Variants in SPATA7 observed in about 807,000 individuals in gnomAD.
The protein encoded by SPATA7 is spermatogenesis-associated protein 7.
In SPATA7, 43 loss-of-function variants were observed where a neutral mutation model predicts 51.8. That is an observed-to-expected ratio of 0.83 (90% CI 0.65 to 1.07). SPATA7 has a LOEUF of 1.07. SPATA7 is among the 50% of genes least tolerant of loss of function. The probability of loss-of-function intolerance (pLI) is 0.00; values close to 1 mark genes in which losing one functional copy is unlikely to be tolerated. For synonymous variants in SPATA7, 230 were observed against 252.8 expected (o/e 0.91, Z 0.86); for missense variants, 683 against 701.3 (o/e 0.97, Z 0.30).
intron 4 of SPATA7, among the ~76,000 whole-genome samples, chr14:88,406,434 C>CCT (rs1368641459): frequency 1.4e-5 from 2 of 138,130 alleles, no homozygotes; most frequent in Admixed American, 7.3e-5. Flanking sequence ...CACTAATCTA[C>CCT]TTTTTTTTTT....
intron 2 of SPATA7, 132 bp downstream of exon 2, chr14:88,391,587 A>G (rs1302319577): frequency 2.5e-6 from 2 of 792,996 alleles, no homozygotes; most frequent in Non-Finnish European, 4.3e-6. Flanking sequence ...ATTAATTTTA[A>G]TGAAATATAG....
chr14:88,440,462 T>G (rs2077170991), downstream of SPATA7, among the ~76,000 whole-genome samples: 1 of 152,208 alleles, frequency 6.6e-6, no homozygotes, highest in Non-Finnish European at 1.5e-5. Context: ...GGCAAAAGTA[T>G]TATAGTATGA....
At chr14:88,416,688 G>T in intron 4 of SPATA7, 23 bp from the exon 5 acceptor site, 1 of 1,611,418 alleles carries the variant, frequency 6.2e-7, no homozygotes, top group South Asian at 1.1e-5. Flanking sequence ...TCCATATTTT[G>T]AAAGATTTGT....
chr14:88,448,024 G>A (rs2077226298), intron 3 of SPATA7, among the ~76,000 whole-genome samples: 2 of 151,840 alleles, frequency 1.3e-5, no homozygotes, highest in South Asian at 2.1e-4. Flanking sequence ...GAATCTGAAC[G>A]TTGGCCTGCT....
chr14:88,462,630 GA>G (rs2077324792), intron 4 of SPATA7, among the ~76,000 whole-genome samples: 2 of 152,194 alleles, frequency 1.3e-5, no homozygotes, highest in East Asian at 3.8e-4. Context: ...TATTAACACT[GA>G]AATTATGTCG....
At chr14:88,402,969 A>AC (rs1566757592) in intron 4 of SPATA7, among the ~76,000 whole-genome samples, 1 of 140,600 alleles carries the variant, frequency 7.1e-6, no homozygotes, top group Admixed American at 6.8e-5. Context: ...CAAAAAAAAA[A>AC]AAAAAAAAAA....
intron 3 of SPATA7, among the ~76,000 whole-genome samples, chr14:88,454,051 C>T (rs1055103583): frequency 7.2e-5 from 11 of 152,148 alleles, no homozygotes; most frequent in Non-Finnish European, 1.5e-4. Context: ...TCAAGTTTCT[C>T]CCGAGAGAAA....
intron 6 of SPATA7, 143 bp downstream of exon 6, chr14:88,426,847 T>G: frequency 1.2e-6 from 1 of 802,128 alleles, no homozygotes; most frequent in Non-Finnish European, 2.0e-6. Context: ...ACTTTTCCTT[T>G]TCCATGTATC....
chr14:88,438,108 TA>T lies in SPATA7; in HGVS notation c.1487del (p.Tyr496LeufsTer10). 6.2e-7 allele frequency: 1 copy of T among 1,614,086 alleles called. No homozygotes were observed. The highest frequency in any genetic ancestry group is 8.5e-7 in the Non-Finnish European group (1 of 1,179,992). ...ACCAACTGAATTTTTCATGCCTATT[TA>T]TAAATCAAAGCATTCAGAAGGGGTT... ...PSPTEFFMPI[Y>X]KSKHSEGVII... On this transcript the variant is annotated frameshift_variant, in exon 12 of 12. Transcript: ENST00000393545. LOFTEE classifies it low-confidence loss of function (END_TRUNC).
At chr14:88,455,055 A>T in intron 3 of SPATA7, 1 of 455,930 alleles carries the variant, frequency 2.2e-6, no homozygotes, top group South Asian at 1.5e-5. Flanking sequence ...TTGCATTTCT[A>T]ACAGATTCCA....
downstream of SPATA7, among the ~76,000 whole-genome samples, chr14:88,455,930 G>A (rs1031018411): frequency 7.2e-6 from 1 of 138,452 alleles, no homozygotes; most frequent in African/African-American, 2.8e-5. Flanking sequence ...CTGTGTCCAT[G>A]TGTTCTCATT....
At chr14:88,422,854 G>T (rs28708734) in intron 5 of SPATA7, among the ~76,000 whole-genome samples, 2,078 of 151,990 alleles carry the variant, frequency 0.014, 46 homozygotes, top group African/African-American at 0.047. Context: ...CTTATTTTGG[G>T]TAGTATATTT....
At chr14:88,456,635 G>A (rs904260723), downstream of SPATA7, among the ~76,000 whole-genome samples, 3 of 149,052 alleles carry the variant, frequency 2.0e-5, no homozygotes, top group African/African-American at 7.8e-5. Context: ...CCCTTTGTCA[G>A]ATGAGTAGAT....
At chr14:88,432,807 T>TG (rs1222698171) in intron 9 of SPATA7, 4 of 212,488 alleles carry the variant, frequency 1.9e-5, no homozygotes, top group Non-Finnish European at 2.8e-5. Context: ...CGGGAGTGCT[T>TG]GCTCCCAGTG....
intron 3 of SPATA7, among the ~76,000 whole-genome samples, chr14:88,448,648 T>C (rs1011005402): frequency 7.9e-5 from 12 of 152,220 alleles, no homozygotes; most frequent in African/African-American, 2.9e-4. Context: ...GATGGTGATG[T>C]ACAGATGTGT....
chr14:88,422,116 C>A (rs1486187614), intron 5 of SPATA7, among the ~76,000 whole-genome samples: 1 of 151,706 alleles, frequency 6.6e-6, no homozygotes, highest in Admixed American at 6.6e-5. Flanking sequence ...TTCTTTGGGG[C>A]TGGAGGTAAT....
chr14:88,446,313 T>C (rs2077212021), intron 3 of SPATA7, among the ~76,000 whole-genome samples: 1 of 152,156 alleles, frequency 6.6e-6, no homozygotes, highest in Admixed American at 6.5e-5. Context: ...TGTATTTCTG[T>C]GGGATCGGTG....
At position 88,416,740 on chromosome 14, in the gene SPATA7, A is replaced by G. The variant is rs1555374375; in HGVS notation, c.268A>G (p.Lys90Glu). The stretch of plus-strand genomic sequence containing the variant: ...AGACCAACAACGAAGAGAGAAACTC[A>G]AAAAGGAATTAGCACAATGTGAAAA... Reference protein sequence around the residue: ...YADQQRREKLKKELAQCEKEF... With the variant: ...YADQQRREKLEKELAQCEKEF... Residue 90 changes from lysine (K) to glutamate (E), a missense_variant, in exon 5 of 12, where the codon AAA becomes GAA. Transcript: ENST00000393545. The G allele has an allele frequency of 3.1e-6, 5 of 1,613,330 alleles. No homozygotes were observed. The South Asian group carries it at 4.4e-5, about 14-fold the overall frequency.
chr14:88,401,061 C>A (rs1307228979), intron 4 of SPATA7, among the ~76,000 whole-genome samples: 2 of 152,118 alleles, frequency 1.3e-5, no homozygotes, highest in African/African-American at 2.4e-5. Context: ...AAGCTACAGG[C>A]CAATATATCT....
Sources: gnomAD v4.1 joint callset for allele counts (sites outside exome capture counted in the v4.1 genomes callset) on GRCh38, gnomAD v4.1.1 for gene constraint, MANE v1.5 for transcripts, NCBI Gene and HGNC (gene_info 2026-07-23, HGNC 2026-07-21) for gene names.